CCDC30: variants seen among roughly 807,000 people sequenced by gnomAD.
CCDC30 encodes the protein coiled-coil domain containing 30, also known as coiled-coil domain-containing protein 30.
CCDC30 carries 70 observed loss-of-function variants against 100.2 expected under a neutral mutation model. That is an observed-to-expected ratio of 0.70 (90% CI 0.58 to 0.85). CCDC30 has a LOEUF of 0.85. Among genes scored for constraint, CCDC30 ranks in the 40% least tolerant of loss-of-function variants. The pLI is 0.00. For missense variants in CCDC30, 652 were observed against 771.2 expected (o/e 0.85, Z 1.83); for synonymous variants, 233 against 269.5 (o/e 0.86, Z 1.33).
intron 12 of CCDC30, among the ~76,000 whole-genome samples, chr1:42,640,846 A>ATT (rs1304321723): frequency 2.0e-5 from 3 of 152,064 alleles, no homozygotes; most frequent in Non-Finnish European, 4.4e-5. Flanking sequence ...GTGAGCCGAG[A>ATT]TTGCACCACT....
intron 10 of CCDC30, among the ~76,000 whole-genome samples, chr1:42,605,901 G>A (rs1646492286): frequency 6.6e-6 from 1 of 152,102 alleles, no homozygotes; most frequent in African/African-American, 2.4e-5. Flanking sequence ...AACAACATGG[G>A]TTTGAACTGT....
chr1:42,485,531 C>T (rs545092458), intron 3 of CCDC30, among the ~76,000 whole-genome samples: 16 of 152,228 alleles, frequency 1.1e-4, no homozygotes, highest in African/African-American at 3.1e-4. Flanking sequence ...TGGTGACATG[C>T]ACCTGTAGTC....
At chr1:42,577,709 C>T (rs1363076333) in intron 8 of CCDC30, among the ~76,000 whole-genome samples, 2 of 151,972 alleles carry the variant, frequency 1.3e-5, no homozygotes, top group Non-Finnish European at 2.9e-5. Flanking sequence ...GGTGCGATCT[C>T]GGCTTACTAC....
rs188897129 is a variant in CCDC30 at position 42,508,665 on chromosome 1, G to A, written c.456+9749G>A. Among the ~76,000 whole-genome samples the A allele has an allele frequency of 1.9e-3, 285 of 151,946 alleles. 1 individual carries two copies. Among genetic ancestry groups the A allele is most frequent in the African/African-American group, 6.6e-3 (273 of 41,444 alleles). On this transcript the variant is annotated intron_variant, in intron 6 of 16. Transcript: ENST00000668663. Reference sequence around the variant, plus strand: ...CATGAGGGAAACAGAGGGTGTGTACGTGTGTGTGTGTATGTGTTTTCCCAA... The same window carrying A: ...CATGAGGGAAACAGAGGGTGTGTACATGTGTGTGTGTATGTGTTTTCCCAA...
chr1:42,635,192 C>G (rs564531659), intron 11 of CCDC30, among the ~76,000 whole-genome samples: 2 of 151,938 alleles, frequency 1.3e-5, no homozygotes, highest in South Asian at 4.1e-4. Flanking sequence ...AATACAGGTG[C>G]CCGCCACCAC....
chr1:42,507,451 T>C (rs983085834), intron 6 of CCDC30, among the ~76,000 whole-genome samples: 1 of 152,238 alleles, frequency 6.6e-6, no homozygotes, highest in African/African-American at 2.4e-5. Flanking sequence ...GCCAGATTAA[T>C]TTTTATAATC....
rs980951569 is a variant in CCDC30, at chr1:42,482,765, C to G, written c.118C>G (p.Gln40Glu). 7.3e-6 allele frequency: 9 copies of G among 1,233,670 alleles called. No homozygotes were observed. In the Admixed American group the frequency reaches 1.7e-4, roughly 23 times the overall value. 76.4% of individuals were successfully genotyped at this position (1,233,670 alleles called of 1,614,324 possible). Residue 40 changes from glutamine (Q) to glutamate (E), a missense_variant, in exon 3 of 17, where the codon CAA (glutamine) becomes GAA (glutamate). By Grantham distance (29) the Gln-to-Glu change is conservative (BLOSUM62 2). Coordinates refer to ENST00000668663, the Ensembl canonical transcript of CCDC30. The stretch of plus-strand genomic sequence containing the variant: ...GTTAGGGGTGGCTCATGAAGAGATT[C>G]AAAGGCTCACTGATGAACTACAAGT...
At chr1:42,535,733 TA>T (rs1165473378) in intron 6 of CCDC30, among the ~76,000 whole-genome samples, 3 of 3,122 alleles carry the variant, frequency 9.6e-4, no homozygotes, top group Non-Finnish European at 1.7e-3. Context: ...TTTAAAAAAT[TA>T]AAAAAATAAA....
At chr1:42,507,493 T>C (rs1325469968) in intron 6 of CCDC30, among the ~76,000 whole-genome samples, 2 of 152,234 alleles carry the variant, frequency 1.3e-5, no homozygotes, top group African/African-American at 4.8e-5. Context: ...TTCAGCTTTA[T>C]CTTATCTAAT....
At chr1:42,639,435 A>T (rs968729642) in intron 12 of CCDC30, among the ~76,000 whole-genome samples, 1 of 152,218 alleles carries the variant, frequency 6.6e-6, no homozygotes, top group East Asian at 1.9e-4. Flanking sequence ...GATTTCTGTC[A>T]CTCAAAACTA....
At chr1:42,459,512 C>A, upstream of CCDC30, 1 of 1,099,532 alleles carries the variant, frequency 9.1e-7, no homozygotes, top group Non-Finnish European at 1.3e-6. Context: ...TGAGAAATCC[C>A]ACTTAAATTT....
chr1:42,503,754 C>A (rs537350792), intron 6 of CCDC30, among the ~76,000 whole-genome samples: 1 of 152,180 alleles, frequency 6.6e-6, no homozygotes, highest in Non-Finnish European at 1.5e-5. Context: ...GGCTGCTTTT[C>A]ATTAAAATTA....
chr1:42,606,461 A>G (rs192609108), intron 10 of CCDC30, among the ~76,000 whole-genome samples: 1 of 152,148 alleles, frequency 6.6e-6, no homozygotes, highest in Non-Finnish European at 1.5e-5. Context: ...TACTTTTAGT[A>G]GAGGTGAGGT....
At chr1:42,612,757 C>T (rs1042434814) in intron 11 of CCDC30, among the ~76,000 whole-genome samples, 2 of 152,222 alleles carry the variant, frequency 1.3e-5, no homozygotes, top group South Asian at 2.1e-4. Flanking sequence ...TTCCCTCTGT[C>T]GTATGCTTGA....
intron 1 of CCDC30, among the ~76,000 whole-genome samples, chr1:42,467,514 T>C (rs1430287024): frequency 2.0e-5 from 3 of 152,176 alleles, no homozygotes; most frequent in African/African-American, 7.2e-5. Context: ...CTTGGGAAAC[T>C]ATGTTGACAG....
At chr1:42,633,311 A>G (rs1018841027) in intron 11 of CCDC30, among the ~76,000 whole-genome samples, 3 of 152,126 alleles carry the variant, frequency 2.0e-5, no homozygotes, top group Non-Finnish European at 4.4e-5. Flanking sequence ...CATAGCTCAG[A>G]CTGCTCTGAG....
chr1:42,461,473 C>T (rs879718279), upstream of CCDC30, among the ~76,000 whole-genome samples: 2 of 152,130 alleles, frequency 1.3e-5, no homozygotes, highest in Admixed American at 1.3e-4. Flanking sequence ...GCAGCTGAGA[C>T]TACAGGTGTG....
At chr1:42,563,602 T>C (rs1328559913) in intron 6 of CCDC30, among the ~76,000 whole-genome samples, 1 of 152,142 alleles carries the variant, frequency 6.6e-6, no homozygotes, top group Non-Finnish European at 1.5e-5. Context: ...AAAAAGTGGC[T>C]GGGCGCGCTG....
chr1:42,580,428 C>T (rs1435960355), intron 8 of CCDC30, among the ~76,000 whole-genome samples: 3 of 152,102 alleles, frequency 2.0e-5, no homozygotes, highest in African/African-American at 7.2e-5. Context: ...AATGTGATGC[C>T]AAGCCATTGT....
Sources: gnomAD v4.1 joint callset for allele counts (sites outside exome capture counted in the v4.1 genomes callset) on GRCh38, gnomAD v4.1.1 for gene constraint, MANE v1.5 for transcripts, NCBI Gene and HGNC (gene_info 2026-07-23, HGNC 2026-07-21) for gene names.